Variants in ADAMTSL1 observed in about 807,000 individuals in gnomAD.
The protein encoded by ADAMTSL1 is ADAMTS-like protein 1.
Under a neutral mutation model 201.8 loss-of-function variants are expected in ADAMTSL1, and 126 were observed. The observed-to-expected ratio is 0.62, with a 90% CI of 0.54 to 0.72. The LOEUF is 0.72. Among genes scored for constraint, ADAMTSL1 ranks in the 30% least tolerant of loss-of-function variants. The pLI is 0.00. For synonymous variants in ADAMTSL1, 1,121 were observed against 903.4 expected (o/e 1.24, Z -4.32); for missense variants, 2,679 against 2,277.8 (o/e 1.18, Z -3.59).
At chr9:18,104,298 C>T (rs932289862) in intron 1 of ADAMTSL1, among the ~76,000 whole-genome samples, 3 of 152,184 alleles carry the variant, frequency 2.0e-5, no homozygotes, top group Non-Finnish European at 4.4e-5. Context: ...CTAGTTACTG[C>T]ATGCTTCCCT....
intron 4 of ADAMTSL1, among the ~76,000 whole-genome samples, chr9:18,614,531 C>G (rs930335746): frequency 6.6e-6 from 1 of 152,114 alleles, no homozygotes; most frequent in African/African-American, 2.4e-5. Context: ...CTAAAAATAG[C>G]AAGTTTTGGC....
chr9:18,065,072 C>A lies in ADAMTSL1; in HGVS notation c.88-98790C>A, dbSNP rs943223927. Among the ~76,000 whole-genome samples the A allele has an allele frequency of 2.8e-5, 4 of 142,256 alleles. No homozygotes were observed. The South Asian group carries it at 9.0e-4, about 32-fold the overall frequency. The allele number at this position is 142,256 out of a possible 152,430, so 93.3% of individuals were successfully genotyped here. A position where few individuals can be genotyped will look rare whatever the true frequency, so the allele number is the denominator to read the frequency against. ...TAAATATGTTCGAAGCAATTCAGTA[C>A]CTTGGGGAAAACAACTTCAAACTTC... On this transcript the variant is annotated intron_variant, in intron 1 of 29. Coordinates refer to the ADAMTSL1 transcript ENST00000680146.
chr9:18,522,154 G>A (rs986129865), intron 2 of ADAMTSL1, among the ~76,000 whole-genome samples: 3 of 152,160 alleles, frequency 2.0e-5, no homozygotes, highest in African/African-American at 7.2e-5. Context: ...GGGAGGAGGA[G>A]AGAGGGGGTG....
chr9:18,213,938 TG>T (rs1829972787), intron 2 of ADAMTSL1, among the ~76,000 whole-genome samples: 1 of 152,160 alleles, frequency 6.6e-6, no homozygotes, highest in Admixed American at 6.5e-5. Context: ...GGTTTCACCA[TG>T]TTGGCCAGGC....
At chr9:18,131,782 G>A (rs1332565781) in intron 1 of ADAMTSL1, among the ~76,000 whole-genome samples, 1 of 152,118 alleles carries the variant, frequency 6.6e-6, no homozygotes, top group Non-Finnish European at 1.5e-5. Context: ...GGGCCAATGG[G>A]TTGGGTTTCA....
At chr9:18,150,130 A>G (rs1826843733) in intron 1 of ADAMTSL1, among the ~76,000 whole-genome samples, 1 of 152,066 alleles carries the variant, frequency 6.6e-6, no homozygotes, top group Admixed American at 6.6e-5. Flanking sequence ...AAATAAAGGT[A>G]CATATATTTG....
intron 2 of ADAMTSL1, among the ~76,000 whole-genome samples, chr9:18,288,272 G>T (rs1299538750): frequency 6.6e-6 from 1 of 152,080 alleles, no homozygotes; most frequent in Admixed American, 6.5e-5. Flanking sequence ...AATGTCTCCG[G>T]CAGTCAAAGC....
chr9:18,636,925 C>T (rs772608453), intron 6 of ADAMTSL1, among the ~76,000 whole-genome samples: 1 of 152,074 alleles, frequency 6.6e-6, no homozygotes, highest in Non-Finnish European at 1.5e-5. Context: ...CACACAAATG[C>T]CTGTGAAACC....
At chr9:18,685,978 G>A (rs777390058) in intron 13 of ADAMTSL1, among the ~76,000 whole-genome samples, 2 of 151,828 alleles carry the variant, frequency 1.3e-5, no homozygotes, top group Non-Finnish European at 2.9e-5. Context: ...GGATGTAGTG[G>A]CACGGTCATA....
chr9:18,881,993 G>A (rs1388733942), intron 23 of ADAMTSL1, among the ~76,000 whole-genome samples: 1 of 152,192 alleles, frequency 6.6e-6, no homozygotes, highest in Non-Finnish European at 1.5e-5. Context: ...TATGGCCTCT[G>A]ATTCCAAGGA....
intron 15 of ADAMTSL1, among the ~76,000 whole-genome samples, chr9:18,726,737 G>GT (rs1817917998): frequency 6.6e-6 from 1 of 152,186 alleles, no homozygotes; most frequent in Non-Finnish European, 1.5e-5. Context: ...GAAAATGAAG[G>GT]AAATTCCAAG....
chr9:18,110,106 C>T (rs1484935467), intron 1 of ADAMTSL1, among the ~76,000 whole-genome samples: 1 of 152,196 alleles, frequency 6.6e-6, no homozygotes, highest in Non-Finnish European at 1.5e-5. Context: ...CAAGTCTTTC[C>T]TCTTTCCCTA....
intron 15 of ADAMTSL1, among the ~76,000 whole-genome samples, chr9:18,735,990 C>A: frequency 6.6e-6 from 1 of 151,794 alleles, no homozygotes. Context: ...GACTAGTATG[C>A]CAACAAAAAT....
intron 4 of ADAMTSL1, among the ~76,000 whole-genome samples, chr9:18,590,997 A>G (rs1823875518): frequency 6.6e-6 from 1 of 152,276 alleles, no homozygotes. Flanking sequence ...AAAAGTATGT[A>G]TTCTGTAGCA....
intron 2 of ADAMTSL1, among the ~76,000 whole-genome samples, chr9:18,165,071 T>G (rs1302884462): frequency 6.6e-6 from 1 of 151,912 alleles, no homozygotes; most frequent in African/African-American, 2.4e-5. Context: ...AGCCTGAATA[T>G]GCAGAGCCTA....
chr9:18,307,259 C>T (rs764143708), intron 2 of ADAMTSL1, among the ~76,000 whole-genome samples: 16 of 152,050 alleles, frequency 1.1e-4, no homozygotes, highest in Non-Finnish European at 2.1e-4. Context: ...TTGTAAAGAC[C>T]GTTGATAGTA....
intron 23 of ADAMTSL1, among the ~76,000 whole-genome samples, chr9:18,878,250 G>T (rs1223875358): frequency 1.3e-5 from 2 of 152,206 alleles, no homozygotes; most frequent in African/African-American, 2.4e-5. Flanking sequence ...CCCACCTGTC[G>T]TGGCTTCTGT....
chr9:18,691,149 T>C (rs905641342), intron 13 of ADAMTSL1, among the ~76,000 whole-genome samples: 12 of 152,178 alleles, frequency 7.9e-5, no homozygotes, highest in African/African-American at 2.9e-4. Flanking sequence ...GAGTTACTGA[T>C]TTAAAAAGGA....
At chr9:18,621,260 A>G (rs566169894) in intron 4 of ADAMTSL1, among the ~76,000 whole-genome samples, 24 of 152,306 alleles carry the variant, frequency 1.6e-4, no homozygotes, top group African/African-American at 5.3e-4. Context: ...GAAAGTAAAG[A>G]GGAAAGACAC....
Sources: gnomAD v4.1 joint callset for allele counts (sites outside exome capture counted in the v4.1 genomes callset) on GRCh38, gnomAD v4.1.1 for gene constraint, MANE v1.5 for transcripts, NCBI Gene and HGNC (gene_info 2026-07-23, HGNC 2026-07-21) for gene names.